EIF4G2: variants seen among roughly 807,000 people sequenced by gnomAD.
The protein encoded by EIF4G2 is DAP-5.
Under a neutral mutation model 117.7 loss-of-function variants are expected in EIF4G2, and 8 were observed. The observed-to-expected ratio is 0.07, with a 90% CI of 0.04 to 0.12. The LOEUF (loss-of-function observed/expected upper bound fraction) is 0.12, where lower values mean the gene tolerates loss of function less well. Among genes scored for constraint, EIF4G2 ranks in the 10% least tolerant of loss-of-function variants. EIF4G2 has a pLI of 1.00. For missense variants in EIF4G2, 812 were observed against 1,086.2 expected (o/e 0.75, Z 3.55); for synonymous variants, 413 against 367.8 (o/e 1.12, Z -1.41).
chr11:10,806,662 TA>T, intron 3 of EIF4G2, 157 bp downstream of exon 3: 2 of 715,170 alleles, frequency 2.8e-6, no homozygotes, highest in East Asian at 5.2e-5. Context: ...GGCTAAGGAA[TA>T]ATCAGGAACT....
In EIF4G2 at chr11:10,803,022, A is replaced by G; in HGVS notation, c.996+8T>C. The G allele has an allele frequency of 6.2e-7, 1 of 1,605,590 alleles. No homozygotes were observed. Among genetic ancestry groups the G allele is most frequent in the South Asian group, 1.1e-5 (1 of 89,728 alleles). The stretch of plus-strand genomic sequence containing the variant: ...CTATGTGACAAACAAAACAAAACCC[A>G]ATCTTACTTTTACTGCATCTTGACG... On this transcript the variant is annotated splice_region_variant and intron_variant, in intron 11 of 21. Transcript: ENST00000339995. The surrounding 1 kb of genome is among the most constrained non-coding windows in gnomAD (Gnocchi z 4.0).
intron 17 of EIF4G2, 23 bp from the exon 18 acceptor site, chr11:10,800,371 T>C (rs764102223): frequency 1.9e-6 from 3 of 1,612,678 alleles, no homozygotes; most frequent in Non-Finnish European, 2.5e-6. Flanking sequence ...ATACAACAGT[T>C]TATCAGTTTT....
chr11:10,804,105 C>T, intron 7 of EIF4G2, 32 bp downstream of exon 7: 1 of 1,613,750 alleles, frequency 6.2e-7, no homozygotes, highest in Non-Finnish European at 8.5e-7. Flanking sequence ...TGAAAATATA[C>T]AGTAGTACTT....
At chr11:10,806,725 A>G (rs1847582610) in intron 3 of EIF4G2, 95 bp downstream of exon 3, 1 of 1,325,796 alleles carries the variant, frequency 7.5e-7, no homozygotes, top group Admixed American at 1.8e-5. Flanking sequence ...TAAGATTAGG[A>G]GTCTTGATGG....
In EIF4G2 at chr11:10,801,908, A is replaced by G; in HGVS notation, c.1300-134T>C. 3.7e-6 allele frequency: 4 copies of G among 1,094,274 alleles called. No homozygotes were observed. In the South Asian group the frequency reaches 6.1e-5, roughly 17 times the overall value. 67.8% of individuals were successfully genotyped at this position (1,094,274 alleles called of 1,614,324 possible). A position where few individuals can be genotyped will look rare whatever the true frequency, so the allele number is the denominator to read the frequency against. On this transcript the variant is annotated intron_variant, in intron 13 of 21. Coordinates refer to ENST00000339995, the MANE Select transcript of EIF4G2 (RefSeq NM_001418.4). ...GCCCAGAGAAAGTAAAAGATGAAAC[A>G]GGGAAGAATAAAAATCTAACCTATC...
At chr11:10,805,352 T>C (rs1847535110) in intron 4 of EIF4G2, among the ~76,000 whole-genome samples, 1 of 152,144 alleles carries the variant, frequency 6.6e-6, no homozygotes, top group Admixed American at 6.5e-5. Flanking sequence ...GCACTTCCCT[T>C]AGTCAAGGGA....
intron 4 of EIF4G2, 101 bp from the exon 5 acceptor site, chr11:10,805,116 C>T (rs1847527841): frequency 1.1e-6 from 1 of 925,512 alleles, no homozygotes; most frequent in African/African-American, 1.7e-5. Context: ...AACTTGCTCC[C>T]TTTAAAAAAT....
At chr11:10,808,340 G>A in intron 1 of EIF4G2, 2 of 1,195,388 alleles carry the variant, frequency 1.7e-6, no homozygotes, top group South Asian at 1.5e-5. Context: ...CAACGGCCTG[G>A]CCTTCCCTGC....
At chr11:10,804,744 G>A (rs966164749) in intron 5 of EIF4G2, 169 bp downstream of exon 5, 12 of 628,114 alleles carry the variant, frequency 1.9e-5, no homozygotes, top group Non-Finnish European at 3.3e-5. Flanking sequence ...TCAATCTAAT[G>A]CTACTAAAGT....
At chr11:10,802,272 A>G in intron 12 of EIF4G2, 22 bp downstream of exon 12, 2 of 1,611,554 alleles carry the variant, frequency 1.2e-6, no homozygotes, top group Non-Finnish European at 1.7e-6. Flanking sequence ...GCTTAACGCA[A>G]CCATTGTTTT....
At chr11:10,799,470 G>C (rs1408807866) in intron 19 of EIF4G2, 46 bp from the exon 20 acceptor site, 1 of 1,609,540 alleles carries the variant, frequency 6.2e-7, no homozygotes, top group Non-Finnish European at 8.5e-7. Context: ...GAGTTTTCTT[G>C]CTCAAGAGAC....
At chr11:10,799,473 C>A in intron 19 of EIF4G2, 49 bp from the exon 20 acceptor site, 2 of 1,609,556 alleles carry the variant, frequency 1.2e-6, no homozygotes, top group South Asian at 2.2e-5. Context: ...TTTTCTTGCT[C>A]AAGAGACAAC....
Position 10,803,620 on chromosome 11 carries a change from G to A in EIF4G2, c.703-30C>T, listed in dbSNP as rs927843260. ...AAGAATAAAAGGCCATGGTGACAAA[G>A]TTTTAGTTACTCTGGTTTAGGCGTA... On this transcript the variant is annotated intron_variant, in intron 8 of 21. Coordinates refer to ENST00000339995, the MANE Select transcript of EIF4G2 (RefSeq NM_001418.4). The surrounding 1 kb of genome is among the most constrained non-coding windows in gnomAD (Gnocchi z 4.0). The A allele has an allele frequency of 6.3e-7, 1 of 1,576,098 alleles. No homozygotes were observed. Among genetic ancestry groups the A allele is most frequent in the Non-Finnish European group, 8.7e-7 (1 of 1,148,190 alleles).
At position 10,800,413 on chromosome 11, in the gene EIF4G2, A is replaced by G. The variant is rs781733981; in HGVS notation, c.1860+19T>C. 6.2e-7 allele frequency: 1 copy of G among 1,613,654 alleles called. No individual in the cohort carries two copies. Among genetic ancestry groups the G allele is most frequent in the East Asian group, 2.2e-5 (1 of 44,874 alleles). On this transcript the variant is annotated intron_variant, in intron 17 of 21. Transcript: ENST00000339995. ...TGAGTGGTAAGAGTTCTTACCACAC[A>G]ATCAGTAAAGTGTCCTACCTGCATG...
chr11:10,801,306 C>G (rs1847409561), intron 14 of EIF4G2: 2 of 644,728 alleles, frequency 3.1e-6, no homozygotes, highest in Admixed American at 2.9e-5. Flanking sequence ...ATCTTACATT[C>G]TCTTAGAATT....
At position 10,798,981 on chromosome 11, in the gene EIF4G2, A is replaced by C; in HGVS notation, c.2658+11T>G. The C allele has an allele frequency of 6.3e-7, 1 of 1,586,402 alleles. No homozygotes were observed. Among genetic ancestry groups the C allele is most frequent in the Non-Finnish European group, 8.5e-7 (1 of 1,172,376 alleles). On this transcript the variant is annotated intron_variant, in intron 21 of 21. Coordinates refer to ENST00000339995, the MANE Select transcript of EIF4G2 (RefSeq NM_001418.4). ...GAAGTAAGCAGACCAAATTTTTAAC[A>C]AAAGACTTACCTGGAACAAAGCCTT...
chr11:10,798,955 T>G, intron 21 of EIF4G2, 37 bp downstream of exon 21: 5 of 1,577,132 alleles, frequency 3.2e-6, no homozygotes, highest in Non-Finnish European at 4.3e-6. Context: ...CCAAGCAAAC[T>G]GAAGTAAGCA....
intron 1 of EIF4G2, chr11:10,807,597 A>C: frequency 5.9e-6 from 7 of 1,189,926 alleles, no homozygotes; most frequent in Non-Finnish European, 7.3e-6. Flanking sequence ...CGTAGAACAC[A>C]AGAGCATTTT....
chr11:10,806,723 G>C (rs1424648437), intron 3 of EIF4G2, 97 bp downstream of exon 3: 2 of 1,322,146 alleles, frequency 1.5e-6, no homozygotes, highest in South Asian at 1.2e-5. Context: ...CTTAAGATTA[G>C]GAGTCTTGAT....
Sources: allele counts gnomAD v4.1 joint callset (sites outside exome capture counted in the v4.1 genomes callset), GRCh38; gene constraint gnomAD v4.1.1; non-coding constraint Gnocchi (gnomAD v3.1); transcripts MANE v1.5; gene names NCBI Gene and HGNC (gene_info 2026-07-23, HGNC 2026-07-21).